The following CMSS1 variants were observed in gnomAD, a reference collection of about 807,000 sequenced individuals.
The protein encoded by CMSS1 is cms1 ribosomal small subunit homolog.
A neutral mutation model predicts 43.5 loss-of-function variants in CMSS1; 33 were observed. The ratio of observed to expected loss-of-function variants is 0.76; its 90% CI spans 0.57 to 1.01. The LOEUF (loss-of-function observed/expected upper bound fraction) is 1.01, where lower values mean the gene tolerates loss of function less well. Ranked by LOEUF, CMSS1 falls within the 50% of genes least tolerant of loss-of-function variation. The pLI, the probability that CMSS1 is intolerant of heterozygous loss-of-function variation, is 0.00. For synonymous variants in CMSS1, 115 were observed against 117.2 expected (o/e 0.98, Z 0.12); for missense variants, 313 against 326.4 (o/e 0.96, Z 0.32).
intron 1 of CMSS1, chr3:99,848,572 G>A (rs1009779464): frequency 1.2e-6 from 2 of 1,614,054 alleles, no homozygotes; most frequent in Non-Finnish European, 1.7e-6. Flanking sequence ...CCGGTCTGGG[G>A]AGACTCTGAA....
At chr3:100,021,603 G>A (rs1210450478) in intron 1 of CMSS1, among the ~76,000 whole-genome samples, 1 of 152,138 alleles carries the variant, frequency 6.6e-6, no homozygotes, top group Non-Finnish European at 1.5e-5. Context: ...CCCCATTTTA[G>A]AAGATCACTG....
intron 1 of CMSS1, among the ~76,000 whole-genome samples, chr3:100,037,339 T>G (rs1025697889): frequency 6.6e-6 from 1 of 152,152 alleles, no homozygotes; most frequent in African/African-American, 2.4e-5. Flanking sequence ...TGGTAAAAAT[T>G]TTAATAACTG....
intron 2 of CMSS1, among the ~76,000 whole-genome samples, chr3:100,154,529 G>A (rs2066953969): frequency 6.6e-6 from 1 of 152,156 alleles, no homozygotes. Context: ...TTTGGTGAGT[G>A]TGTATTGAAT....
chr3:99,872,116 T>C (rs1054848297), intron 1 of CMSS1, among the ~76,000 whole-genome samples: 1 of 152,172 alleles, frequency 6.6e-6, no homozygotes, highest in African/African-American at 2.4e-5. Flanking sequence ...AGCCCAAGAA[T>C]GCAGGGGGCC....
At chr3:99,871,952 T>TAAAGGA (rs1944809184) in intron 1 of CMSS1, among the ~76,000 whole-genome samples, 1 of 152,226 alleles carries the variant, frequency 6.6e-6, no homozygotes, top group Non-Finnish European at 1.5e-5. Flanking sequence ...CTTTGCTTTT[T>TAAAGGA]TATTGCTTAT....
intron 1 of CMSS1, among the ~76,000 whole-genome samples, chr3:100,086,748 C>CT (rs1479672888): frequency 1.3e-5 from 2 of 152,100 alleles, no homozygotes; most frequent in East Asian, 3.9e-4. Flanking sequence ...ACTTTTGTGT[C>CT]TAGGACAGGT....
intron 1 of CMSS1, among the ~76,000 whole-genome samples, chr3:100,078,879 G>T (rs1180345790): frequency 6.6e-6 from 1 of 151,832 alleles, no homozygotes; most frequent in East Asian, 1.9e-4. Context: ...CGACAGAGTG[G>T]GACTCCATAT....
intron 1 of CMSS1, among the ~76,000 whole-genome samples, chr3:100,042,876 G>A (rs1237040303): frequency 1.3e-5 from 2 of 152,234 alleles, no homozygotes; most frequent in Non-Finnish European, 2.9e-5. Flanking sequence ...GAGGAATAGA[G>A]CCAAAGTTCC....
intron 8 of CMSS1, among the ~76,000 whole-genome samples, chr3:100,176,045 T>C (rs2067145616): frequency 6.6e-6 from 1 of 152,194 alleles, no homozygotes; most frequent in Admixed American, 6.5e-5. Flanking sequence ...CTCTGGGGCT[T>C]CATGAAATGG....
intron 1 of CMSS1, among the ~76,000 whole-genome samples, chr3:100,029,659 G>T (rs934896947): frequency 1.3e-5 from 2 of 152,156 alleles, no homozygotes; most frequent in African/African-American, 4.8e-5. Context: ...ACATTCCATA[G>T]AAGATAGAAT....
intron 1 of CMSS1, among the ~76,000 whole-genome samples, chr3:99,870,742 C>T (rs1944746861): frequency 6.6e-6 from 1 of 152,186 alleles, no homozygotes; most frequent in African/African-American, 2.4e-5. Context: ...AATCACTCTT[C>T]TGTAAAATCT....
chr3:99,971,621 T>G (rs1447767440), intron 1 of CMSS1, among the ~76,000 whole-genome samples: 4 of 152,192 alleles, frequency 2.6e-5, no homozygotes, highest in African/African-American at 7.2e-5. Flanking sequence ...CTGATCTAAG[T>G]TGGTACCAGA....
At chr3:99,893,221 A>G (rs1488797496) in intron 1 of CMSS1, among the ~76,000 whole-genome samples, 2 of 140,394 alleles carry the variant, frequency 1.4e-5, no homozygotes, top group African/African-American at 5.4e-5. Flanking sequence ...GCTGGAGTGC[A>G]GTGGCGCAAT....
chr3:100,048,482 T>C (rs920415302), intron 1 of CMSS1, among the ~76,000 whole-genome samples: 5 of 152,104 alleles, frequency 3.3e-5, no homozygotes, highest in African/African-American at 9.7e-5. Flanking sequence ...GACACGGAGC[T>C]CACTCCATCT....
intron 1 of CMSS1, among the ~76,000 whole-genome samples, chr3:99,896,103 GAAA>G (rs923066942): frequency 6.8e-6 from 1 of 147,030 alleles, no homozygotes; most frequent in Non-Finnish European, 1.5e-5. Flanking sequence ...TAAACTTTTA[GAAA>G]AAAAAAAGGA....
chr3:99,930,719 A>G, intron 1 of CMSS1: 1 of 1,595,704 alleles, frequency 6.3e-7, no homozygotes, highest in South Asian at 1.1e-5. Context: ...CCAAATTCAC[A>G]AGCAGCCTTC....
At chr3:100,029,890 G>A (rs2064994807) in intron 1 of CMSS1, among the ~76,000 whole-genome samples, 2 of 152,134 alleles carry the variant, frequency 1.3e-5, no homozygotes, top group Admixed American at 1.3e-4. Flanking sequence ...TATGTCATCT[G>A]GAAAGCTGAG....
rs186117288 is a variant in CMSS1 at position 100,131,931 on chromosome 3, A to G, written c.65-15042A>G. On this transcript the variant is annotated intron_variant, in intron 1 of 9. Transcript: ENST00000421999. ...CATTATACTCAACAAAATCTATTCCATATGGATTTAAGTTACATGCTTTTT... is the reference window on the plus strand; with the variant it reads ...CATTATACTCAACAAAATCTATTCCGTATGGATTTAAGTTACATGCTTTTT... 3.9e-3 allele frequency among the ~76,000 whole-genome samples: 599 copies of G among 152,338 alleles called. 3 individuals carry two copies. Among genetic ancestry groups the G allele is most frequent in the Non-Finnish European group, 7.2e-3 (492 of 68,038 alleles).
In CMSS1 at chr3:99,817,962, G is replaced by T; in HGVS notation, c.-18G>T. On this transcript the variant is annotated 5_prime_UTR_variant, in exon 1 of 10. Transcript: ENST00000421999. ...CGCCTACCCGTGATGTTCTGCCCACGTCGAGACCTGAGCTGAAATGGCAGA... is the reference window on the plus strand; with the variant it reads ...CGCCTACCCGTGATGTTCTGCCCACTTCGAGACCTGAGCTGAAATGGCAGA... 1 of 1,613,870 alleles carries T rather than the reference G, an allele frequency of 6.2e-7. No individual in the cohort carries two copies. Among genetic ancestry groups the T allele is most frequent in the Non-Finnish European group, 8.5e-7 (1 of 1,179,874 alleles).
Sources: gnomAD v4.1 joint callset for allele counts (sites outside exome capture counted in the v4.1 genomes callset) on GRCh38, gnomAD v4.1.1 for gene constraint, MANE v1.5 for transcripts, NCBI Gene and HGNC (gene_info 2026-07-23, HGNC 2026-07-21) for gene names.